The following ATXN7L1 variants were observed in gnomAD, a reference collection of about 807,000 sequenced individuals.
ATXN7L1 encodes ataxin-7-like protein 1.
A neutral mutation model predicts 70.8 loss-of-function variants in ATXN7L1; 15 were observed. The observed-to-expected ratio is 0.21, with a 90% CI of 0.14 to 0.33. ATXN7L1 has a LOEUF of 0.33. Ranked by LOEUF, ATXN7L1 falls within the 10% of genes least tolerant of loss-of-function variation. The probability of loss-of-function intolerance (pLI) is 1.00; values close to 1 mark genes in which losing one functional copy is unlikely to be tolerated. For missense variants in ATXN7L1, 975 were observed against 1,097.1 expected (o/e 0.89, Z 1.57); for synonymous variants, 440 against 445.1 (o/e 0.99, Z 0.14).
intron 3 of ATXN7L1, among the ~76,000 whole-genome samples, chr7:105,727,076 C>T (rs1196022972): frequency 6.6e-6 from 1 of 152,108 alleles, no homozygotes; most frequent in Non-Finnish European, 1.5e-5. Context: ...CCCATGCAGT[C>T]ATATAATAAG....
At chr7:105,700,704 A>G (rs1436905097) in intron 3 of ATXN7L1, among the ~76,000 whole-genome samples, 1 of 151,794 alleles carries the variant, frequency 6.6e-6, no homozygotes, top group South Asian at 2.1e-4. Flanking sequence ...TATTTTTGAG[A>G]TAGGGTCTGG....
At chr7:105,837,301 CCTT>C (rs1369490291) in intron 2 of ATXN7L1, among the ~76,000 whole-genome samples, 1 of 152,114 alleles carries the variant, frequency 6.6e-6, no homozygotes, top group Non-Finnish European at 1.5e-5. Flanking sequence ...CATCCACTGG[CCTT>C]CTGATTCCTT....
intron 3 of ATXN7L1, among the ~76,000 whole-genome samples, chr7:105,769,985 C>A (rs1427657013): frequency 6.6e-6 from 1 of 152,208 alleles, no homozygotes; most frequent in African/African-American, 2.4e-5. Flanking sequence ...AAAACTGCAG[C>A]CTTTAGCAGG....
chr7:105,699,888 C>T (rs1792217460), intron 3 of ATXN7L1, among the ~76,000 whole-genome samples: 1 of 152,206 alleles, frequency 6.6e-6, no homozygotes. Context: ...CCTGCCCCCA[C>T]AATCCTCCTT....
intron 2 of ATXN7L1, among the ~76,000 whole-genome samples, chr7:105,833,530 CAT>C (rs369353358): frequency 1.3e-4 from 20 of 152,282 alleles, no homozygotes; most frequent in African/African-American, 4.1e-4. Context: ...CAGATATAGA[CAT>C]ATACAAATAA....
At chr7:105,727,915 G>A (rs1796103809) in intron 3 of ATXN7L1, among the ~76,000 whole-genome samples, 1 of 150,670 alleles carries the variant, frequency 6.6e-6, no homozygotes, top group African/African-American at 2.4e-5. Context: ...ACAACCGTAT[G>A]TATGTTTAGG....
At chr7:105,656,164 A>G (rs960747755) in intron 4 of ATXN7L1, among the ~76,000 whole-genome samples, 6 of 152,228 alleles carry the variant, frequency 3.9e-5, no homozygotes, top group African/African-American at 1.4e-4. Flanking sequence ...CCGAAGTGAT[A>G]GCAGCTGAGA....
At chr7:105,711,068 T>G (rs2116269457) in intron 3 of ATXN7L1, among the ~76,000 whole-genome samples, 1 of 152,282 alleles carries the variant, frequency 6.6e-6, no homozygotes, top group East Asian at 1.9e-4. Flanking sequence ...CCCCCATGAT[T>G]GAATTATCTC....
intron 4 of ATXN7L1, among the ~76,000 whole-genome samples, chr7:105,644,708 C>T (rs1191221312): frequency 6.6e-6 from 1 of 152,138 alleles, no homozygotes; most frequent in African/African-American, 2.4e-5. Context: ...TGATTTTTCC[C>T]AAATGATAAA....
intron 3 of ATXN7L1, among the ~76,000 whole-genome samples, chr7:105,757,233 C>T (rs1799916775): frequency 6.7e-6 from 1 of 149,910 alleles, no homozygotes; most frequent in Non-Finnish European, 1.5e-5. Flanking sequence ...GAGGCCTCCT[C>T]TCTGCTCACA....
intron 3 of ATXN7L1, among the ~76,000 whole-genome samples, chr7:105,749,534 G>T (rs1389492963): frequency 6.6e-6 from 1 of 150,960 alleles, no homozygotes; most frequent in Non-Finnish European, 1.5e-5. Context: ...GGACACACAA[G>T]AATCACCTGA....
At chr7:105,727,787 T>TACACAC (rs1392558948) in intron 3 of ATXN7L1, among the ~76,000 whole-genome samples, 3 of 99,732 alleles carry the variant, frequency 3.0e-5, no homozygotes, top group African/African-American at 1.1e-4. Context: ...TACACACACA[T>TACACAC]ACACACATAT....
At chr7:105,733,105 G>A (rs1377641932) in intron 3 of ATXN7L1, among the ~76,000 whole-genome samples, 1 of 152,142 alleles carries the variant, frequency 6.6e-6, no homozygotes, top group African/African-American at 2.4e-5. Flanking sequence ...ATTAAAAGGC[G>A]ATTTCCATGA....
At position 105,791,644 on chromosome 7, in the gene ATXN7L1, T is replaced by C. The variant is rs116144908; in HGVS notation, c.251-2936A>G. Among the ~76,000 whole-genome samples, 1,286 of 152,256 alleles carry C rather than the reference T, an allele frequency of 8.4e-3. 19 individuals carry two copies. Among genetic ancestry groups the C allele is most frequent in the African/African-American group, 0.03 (1,238 of 41,534 alleles). Reference sequence around the variant, plus strand: ...TACATTTGAAAAAATACAGAAAACCTAGAAGAAATTAAAGAAAAATACCAT... The same window carrying C: ...TACATTTGAAAAAATACAGAAAACCCAGAAGAAATTAAAGAAAAATACCAT... On this transcript the variant is annotated intron_variant, in intron 2 of 11. Transcript: ENST00000419735.
intron 3 of ATXN7L1, among the ~76,000 whole-genome samples, chr7:105,729,539 C>T (rs1584857217): frequency 6.6e-6 from 1 of 151,238 alleles, no homozygotes; most frequent in Admixed American, 6.6e-5. Flanking sequence ...AAGCGATTCT[C>T]CTGCCCTAGC....
At chr7:105,620,445 T>C (rs1330375329) in intron 8 of ATXN7L1, 124 bp from the exon 9 acceptor site, 4 of 1,024,836 alleles carry the variant, frequency 3.9e-6, no homozygotes, top group Non-Finnish European at 5.4e-6. Context: ...AAGCAAACCG[T>C]ACTGAAGCCA....
intron 3 of ATXN7L1, among the ~76,000 whole-genome samples, chr7:105,667,968 T>C (rs965012014): frequency 3.3e-5 from 5 of 152,206 alleles, no homozygotes; most frequent in Non-Finnish European, 7.3e-5. Context: ...ACTCCTTTGC[T>C]ATTACTTACT....
chr7:105,821,020 G>A (rs1810061004), intron 2 of ATXN7L1, among the ~76,000 whole-genome samples: 1 of 152,196 alleles, frequency 6.6e-6, no homozygotes, highest in Non-Finnish European at 1.5e-5. Context: ...GTAAGCCAAT[G>A]AAACCTCTGT....
At position 105,711,107 on chromosome 7, in the gene ATXN7L1, ATT is replaced by A. The variant is rs1584798676; in HGVS notation, c.356-45821_356-45820del. ...CTGGTCCTGCCCTTGACATGTGGGG[ATT>A]ATTACAATTCAAGGTGAGATTTGGG... is the stretch of plus-strand genomic sequence containing the variant. On this transcript the variant is annotated intron_variant, in intron 3 of 11. Transcript: ENST00000419735. Among the ~76,000 whole-genome samples the A allele has an allele frequency of 2.6e-5, 4 of 152,214 alleles. No homozygotes were observed. The East Asian group carries it at 7.7e-4, about 29-fold the overall frequency.
Sources: allele counts gnomAD v4.1 joint callset (sites outside exome capture counted in the v4.1 genomes callset), GRCh38; gene constraint gnomAD v4.1.1; transcripts MANE v1.5; gene names NCBI Gene and HGNC (gene_info 2026-07-23, HGNC 2026-07-21).